The following SZT2 variants were observed in gnomAD, a reference collection of about 807,000 sequenced individuals.
SZT2 encodes KICSTOR complex protein SZT2.
In SZT2, 216 loss-of-function variants were observed where a neutral mutation model predicts 404.2. The ratio of observed to expected loss-of-function variants is 0.53; its 90% CI spans 0.48 to 0.60. The LOEUF (loss-of-function observed/expected upper bound fraction) is 0.60. Among genes scored for constraint, SZT2 ranks in the 20% least tolerant of loss-of-function variants. SZT2 has a pLI of 0.00. For synonymous variants in SZT2, 1,693 were observed against 1,749.9 expected (o/e 0.97, Z 0.81); for missense variants, 3,857 against 4,459.2 (o/e 0.86, Z 3.85).
intron 4 of SZT2, among the ~76,000 whole-genome samples, chr1:43,408,151 G>A (rs1430160397): frequency 6.6e-6 from 1 of 151,730 alleles, no homozygotes; most frequent in African/African-American, 2.4e-5. Context: ...ACATTTTATG[G>A]AACTTTCTTC....
intron 1 of SZT2, among the ~76,000 whole-genome samples, chr1:43,390,943 A>G (rs1418090824): frequency 6.6e-6 from 1 of 152,254 alleles, no homozygotes; most frequent in Non-Finnish European, 1.5e-5. Context: ...TACCAATATC[A>G]GTTAATCCTC....
At chr1:43,429,970 G>A in intron 29 of SZT2, 41 bp from the exon 30 acceptor site, 1 of 1,613,264 alleles carries the variant, frequency 6.2e-7, no homozygotes, top group Non-Finnish European at 8.5e-7. Context: ...TCCTGTTGAG[G>A]GGTGACTGAC....
At position 43,450,334 on chromosome 1, in the gene SZT2, C is replaced by T. The variant is rs1419667741; in HGVS notation, c.10156-3C>T. ...CAGTGCATCCCCACCGTGTTCCCCA[C>T]AGTCTCTGACAGTGGTTTTCCGAGA... On this transcript the variant is annotated splice_polypyrimidine_tract_variant and splice_region_variant and intron_variant, in intron 71 of 71. Coordinates refer to ENST00000634258, the MANE Select transcript of SZT2 (RefSeq NM_001365999.1). This position sits in a 1 kb window ranked among gnomAD's most constrained non-coding sequence, Gnocchi z 4.3. The T allele has an allele frequency of 2.5e-6, 4 of 1,613,960 alleles. No individual in the cohort carries two copies. The highest frequency in any genetic ancestry group is 1.3e-5 in the African/African-American group (1 of 74,888).
rs1656355437 is a variant in SZT2, at chr1:43,451,168, C to G, written c.*688C>G. The G allele has an allele frequency of 5.8e-6, 8 of 1,377,904 alleles. 1 individual carries two copies. Among genetic ancestry groups the G allele is most frequent in the Middle Eastern group, 3.5e-4 (2 of 5,668 alleles). 85.4% of individuals were successfully genotyped at this position (1,377,904 alleles called of 1,614,324 possible). ...AGACATATGACAATGTTCAGCAGGTCATCTTTAATGCAGAGGAGGAGATGG... is the reference window on the plus strand; with the variant it reads ...AGACATATGACAATGTTCAGCAGGTGATCTTTAATGCAGAGGAGGAGATGG... On this transcript the variant is annotated 3_prime_UTR_variant, in exon 72 of 72. Coordinates refer to ENST00000634258, the MANE Select transcript of SZT2 (RefSeq NM_001365999.1).
intron 7 of SZT2, among the ~76,000 whole-genome samples, chr1:43,417,998 A>G (rs1426091790): frequency 6.6e-6 from 1 of 152,200 alleles, no homozygotes; most frequent in Non-Finnish European, 1.5e-5. Flanking sequence ...AATGGTAACT[A>G]CACTGTGAGA....
chr1:43,423,092 C>G lies in SZT2; in HGVS notation c.2038-7C>G. The G allele has an allele frequency of 6.3e-7, 1 of 1,580,462 alleles. No homozygotes were observed. Among genetic ancestry groups the G allele is most frequent in the Non-Finnish European group, 8.5e-7 (1 of 1,171,282 alleles). ...AGTAAGAGGATGTGACCACATTTTC[C>G]CCTCAGATTGTGTCAGGCTTGAGGG... On this transcript the variant is annotated splice_polypyrimidine_tract_variant and splice_region_variant and intron_variant, in intron 14 of 71. Coordinates refer to ENST00000634258, the MANE Select transcript of SZT2 (RefSeq NM_001365999.1).
intron 1 of SZT2, among the ~76,000 whole-genome samples, chr1:43,398,090 T>C (rs759670904): frequency 9.9e-5 from 15 of 152,174 alleles, no homozygotes; most frequent in Admixed American, 7.2e-4. Context: ...TTTTCCTTGG[T>C]TTTTCCTTGC....
intron 4 of SZT2, among the ~76,000 whole-genome samples, chr1:43,408,908 GGGGTCA>G (rs1650672194): frequency 6.6e-6 from 1 of 152,172 alleles, no homozygotes; most frequent in Admixed American, 6.5e-5. Context: ...GTTGTTCCAT[GGGGTCA>G]GGGTCCGAGA....
Position 43,427,558 on chromosome 1 carries a change from T to G in SZT2, c.3627T>G (p.Ser1209Arg). ...SDNAQNQGEL[S>R]PPFRRDLQAY... ...ATGCCCAGAATCAAGGAGAGCTAAG[T>G]CCACCATTCCGTCGAGACTTACAGG... Residue 1209 changes from serine to arginine, a missense_variant, in exon 26 of 72, where the codon AGT (serine) becomes AGG (arginine). Around this residue, in one of 7 missense-constraint regions of SZT2, gnomAD observed 1,725 missense variants for 1,881.0 expected, o/e 0.92. Coordinates refer to ENST00000634258, the MANE Select transcript of SZT2 (RefSeq NM_001365999.1). 1 of 1,614,160 alleles carries G rather than the reference T, an allele frequency of 6.2e-7. No homozygotes were observed. Among genetic ancestry groups the G allele is most frequent in the Non-Finnish European group, 8.5e-7 (1 of 1,180,028 alleles).
At chr1:43,396,349 G>T (rs1024016497) in intron 1 of SZT2, among the ~76,000 whole-genome samples, 2 of 152,198 alleles carry the variant, frequency 1.3e-5, no homozygotes, top group African/African-American at 2.4e-5. Context: ...TTGGCAGAGG[G>T]TCAGATTCTC....
At chr1:43,423,816 A>G (rs1464795959) in intron 15 of SZT2, among the ~76,000 whole-genome samples, 2 of 146,310 alleles carry the variant, frequency 1.4e-5, no homozygotes, top group African/African-American at 5.1e-5. Flanking sequence ...AGTGATACAG[A>G]GGTATGGAAG....
chr1:43,393,364 A>G (rs1282425713), intron 1 of SZT2, among the ~76,000 whole-genome samples: 3 of 152,226 alleles, frequency 2.0e-5, no homozygotes, highest in Non-Finnish European at 4.4e-5. Context: ...AAGCACTTTT[A>G]TTATCTGTGT....
In SZT2 at chr1:43,421,121, C is replaced by T. The variant is rs1436511767; in HGVS notation, c.1497-53C>T. The T allele has an allele frequency of 3.1e-6, 5 of 1,596,868 alleles. No homozygotes were observed. The African/African-American group carries it at 6.7e-5, about 21-fold the overall frequency. On this transcript the variant is annotated intron_variant, in intron 10 of 71. Transcript: ENST00000634258. The stretch of plus-strand genomic sequence containing the variant: ...TCCCATGTCCCCCTAAGGCTCCCCT[C>T]ATCTGCACCCAGCAGAGTCAGATAT...
intron 29 of SZT2, 80 bp downstream of exon 29, chr1:43,429,924 G>A (rs572302643): frequency 3.1e-6 from 5 of 1,611,720 alleles, no homozygotes; most frequent in Non-Finnish European, 4.2e-6. Flanking sequence ...TGGGCGGGGG[G>A]TATGCATGTG....
rs150150240 is a variant in SZT2, at chr1:43,447,963, C to T, written c.9555C>T (p.His3185=). ...AGGAGCAAGGAGAGGCTGAGCGGCA[C>T]GTTCTGCGGTCAGCAGATCCCCTAC... ...PFEEQGEAER[H]VLRLQFFVVL... is the part of the protein sequence containing the mutation. Residue 3185 remains histidine (H), a synonymous_variant, in exon 68 of 72, where the codon CAC becomes CAT. Transcript: ENST00000634258. 1.1e-3 allele frequency: 1,774 copies of T among 1,613,838 alleles called. 4 individuals carry two copies. The highest frequency in any genetic ancestry group is 1.4e-3 in the Non-Finnish European group (1,635 of 1,180,010).
At chr1:43,395,677 G>A (rs1303335796) in intron 1 of SZT2, among the ~76,000 whole-genome samples, 2 of 152,198 alleles carry the variant, frequency 1.3e-5, no homozygotes, top group Non-Finnish European at 2.9e-5. Flanking sequence ...TAGTCACAGT[G>A]ATTATTTGAT....
At position 43,452,545 on chromosome 1, in the gene SZT2, A is replaced by T. The variant is rs976652893; in HGVS notation, c.*2065A>T. ...TGTCCACCCACCGCCTCCTGCCTCC[A>T]GTACTTTCCAAAACCTTTCCTTCCC... is the stretch of plus-strand genomic sequence containing the variant. On this transcript the variant is annotated 3_prime_UTR_variant, in exon 72 of 72. Transcript: ENST00000634258. 17 of 639,576 alleles carry T rather than the reference A, an allele frequency of 2.7e-5. No individual in the cohort carries two copies. Among genetic ancestry groups the T allele is most frequent in the Non-Finnish European group, 4.6e-5 (16 of 351,618 alleles). The allele number at this position is 639,576 out of a possible 1,614,324, so 39.6% of individuals were successfully genotyped here. A position where few individuals can be genotyped will look rare whatever the true frequency, so the allele number is the denominator to read the frequency against.
Position 43,425,140 on chromosome 1 carries a change from G to T in SZT2, c.2578G>T (p.Glu860Ter). Residue 860 changes from glutamate (E) to a stop codon, truncating the protein, a stop_gained, in exon 18 of 72, where the codon GAA (glutamate) becomes TAA (stop). Transcript: ENST00000634258. LOFTEE classifies it high-confidence loss of function. The surrounding 1 kb of genome is among the most constrained non-coding windows in gnomAD (Gnocchi z 4.3). ...QNEPPGQAAA[E>*]EKHTCVVQYI... ...TGAACCACCAGGGCAGGCTGCAGCTGAAGAGAAGCACACCTGTGTTGTCCA... is the reference window on the plus strand; with the variant it reads ...TGAACCACCAGGGCAGGCTGCAGCTTAAGAGAAGCACACCTGTGTTGTCCA... The T allele has an allele frequency of 6.2e-7, 1 of 1,614,170 alleles. No homozygotes were observed. The highest frequency in any genetic ancestry group is 8.5e-7 in the Non-Finnish European group (1 of 1,180,018).
At chr1:43,407,246 G>C (rs1417134997) in intron 4 of SZT2, among the ~76,000 whole-genome samples, 9 of 152,188 alleles carry the variant, frequency 5.9e-5, no homozygotes, top group African/African-American at 2.2e-4. Flanking sequence ...GCTCATGCCT[G>C]TAATCCTAGC....
Sources: allele counts gnomAD v4.1 joint callset (sites outside exome capture counted in the v4.1 genomes callset), GRCh38; gene constraint gnomAD v4.1.1; regional missense constraint gnomAD v4.1.1; non-coding constraint Gnocchi (gnomAD v3.1); transcripts MANE v1.5; gene names NCBI Gene and HGNC (gene_info 2026-07-23, HGNC 2026-07-21).